ERI3: variants seen among roughly 807,000 people sequenced by gnomAD.
The protein encoded by ERI3 is ERI1 exoribonuclease family member 3, also known as ERI1 exoribonuclease 3.
In ERI3, 18 loss-of-function variants were observed where a neutral mutation model predicts 44.4. That is an observed-to-expected ratio of 0.41 (90% CI 0.28 to 0.60). The LOEUF (loss-of-function observed/expected upper bound fraction) is 0.60, where lower values mean the gene tolerates loss of function less well. Among genes scored for constraint, ERI3 ranks in the 20% least tolerant of loss-of-function variants. ERI3 has a pLI of 0.36. For synonymous variants in ERI3, 183 were observed against 164.8 expected (o/e 1.11, Z -0.84); for missense variants, 294 against 435.5 (o/e 0.68, Z 2.89).
intron 2 of ERI3, among the ~76,000 whole-genome samples, chr1:44,348,132 C>T (rs1646821102): frequency 6.6e-6 from 1 of 152,152 alleles, no homozygotes; most frequent in South Asian, 2.1e-4. Context: ...CAGAGCAGGG[C>T]CTAAGCAGCA....
intron 7 of ERI3, among the ~76,000 whole-genome samples, chr1:44,251,861 T>C (rs1159345003): frequency 6.6e-6 from 1 of 152,188 alleles, no homozygotes; most frequent in East Asian, 1.9e-4. Flanking sequence ...TCCCTCTCAC[T>C]GCTCCCTTCC....
intron 2 of ERI3, among the ~76,000 whole-genome samples, chr1:44,342,859 T>A (rs4660272): frequency 0.044 from 510 of 11,618 alleles, no homozygotes; most frequent in Admixed American, 0.055. Flanking sequence ...ATATATATAT[T>A]TTTTTTTTTT....
intron 3 of ERI3, among the ~76,000 whole-genome samples, chr1:44,331,290 C>T (rs962755836): frequency 1.3e-5 from 2 of 152,010 alleles, no homozygotes; most frequent in Non-Finnish European, 2.9e-5. Flanking sequence ...AGATCCAGAT[C>T]CAAATTCCCA....
intron 2 of ERI3, among the ~76,000 whole-genome samples, chr1:44,348,014 A>G (rs954270960): frequency 6.6e-6 from 1 of 152,194 alleles, no homozygotes. Flanking sequence ...CCCAGCACCC[A>G]GCACAGGACC....
At chr1:44,353,920 G>T (rs1033879314) in intron 1 of ERI3, 38 of 985,204 alleles carry the variant, frequency 3.9e-5, no homozygotes, top group Admixed American at 6.2e-5. Context: ...AGCCAAGTGG[G>T]TTTCTAACCA....
At chr1:44,303,799 G>C (rs139258352) in intron 6 of ERI3, among the ~76,000 whole-genome samples, 1 of 152,126 alleles carries the variant, frequency 6.6e-6, no homozygotes, top group Non-Finnish European at 1.5e-5. Flanking sequence ...GTATTAAGCC[G>C]AGGGGTGACA....
chr1:44,346,635 G>A (rs990731017), intron 2 of ERI3, among the ~76,000 whole-genome samples: 2 of 152,160 alleles, frequency 1.3e-5, no homozygotes, highest in African/African-American at 4.8e-5. Flanking sequence ...GACAGCATCT[G>A]ATCCCAGAAG....
chr1:44,306,198 T>A (rs1645829014), intron 6 of ERI3, among the ~76,000 whole-genome samples: 1 of 152,224 alleles, frequency 6.6e-6, no homozygotes, highest in Admixed American at 6.5e-5. Flanking sequence ...CTGAAAACCC[T>A]TTTCTGAAGC....
In ERI3 at chr1:44,342,836, TATATATATATATATATATATA is replaced by T. The variant is rs1374798980; in HGVS notation, c.212-3535_212-3515del. 1.5e-3 allele frequency among the ~76,000 whole-genome samples: 42 copies of T among 27,602 alleles called. 2 individuals carry two copies. The highest frequency in any genetic ancestry group is 4.9e-3 in the African/African-American group (31 of 6,300). The allele number at this position is 27,602 out of a possible 152,430, so 18.1% of individuals were successfully genotyped here. A position where few individuals can be genotyped will look rare whatever the true frequency, so the allele number is the denominator to read the frequency against. On this transcript the variant is annotated intron_variant, in intron 2 of 8. Transcript: ENST00000372257. ...TAATATATATATATATATATATATA[TATATATATATATATATATATA>T]TTTTTTTTTTTTTTTTTTTTTTTTT...
At chr1:44,286,579 G>A (rs1343111161) in intron 6 of ERI3, among the ~76,000 whole-genome samples, 1 of 151,926 alleles carries the variant, frequency 6.6e-6, no homozygotes, top group Admixed American at 6.6e-5. Flanking sequence ...AGAGGGCCCA[G>A]GCTAATGCCT....
chr1:44,222,854 G>C (rs1025299845), intron 8 of ERI3, among the ~76,000 whole-genome samples: 1 of 152,130 alleles, frequency 6.6e-6, no homozygotes, highest in Non-Finnish European at 1.5e-5. Flanking sequence ...AATCAAGTGT[G>C]GGGGGGTATT....
chr1:44,342,840 T>A lies in ERI3; in HGVS notation c.212-3518A>T, dbSNP rs1354668251. Among the ~76,000 whole-genome samples the A allele has an allele frequency of 2.0e-4, 6 of 30,626 alleles. 1 individual carries two copies. In the South Asian group the frequency reaches 5.7e-3, roughly 29 times the overall value. 20.1% of individuals were successfully genotyped at this position (30,626 alleles called of 152,430 possible). ...ATATATATATATATATATATATATA[T>A]ATATATATATATATATATTTTTTTT... On this transcript the variant is annotated intron_variant, in intron 2 of 8. Coordinates refer to ENST00000372257, the MANE Select transcript of ERI3 (RefSeq NM_024066.3).
chr1:44,252,269 C>G lies in ERI3; in HGVS notation c.832-4231G>C, dbSNP rs1342175435. 6.6e-6 allele frequency among the ~76,000 whole-genome samples: 1 copy of G among 152,254 alleles called. No individual in the cohort carries two copies. The highest frequency in any genetic ancestry group is 2.1e-4 in the South Asian group (1 of 4,834). ...CCTGTGCCAGGCAGGCACGCACACA[C>G]GCTTCCCTTCCCCTGGGCTGCTGCA... On this transcript the variant is annotated intron_variant, in intron 7 of 8. Coordinates refer to ENST00000372257, the MANE Select transcript of ERI3 (RefSeq NM_024066.3). The surrounding 1 kb of genome is among the most constrained non-coding windows in gnomAD (Gnocchi z 4.7).
At chr1:44,309,509 T>A (rs1645909144) in intron 5 of ERI3, among the ~76,000 whole-genome samples, 1 of 151,554 alleles carries the variant, frequency 6.6e-6, no homozygotes, top group South Asian at 2.1e-4. Flanking sequence ...AAATAAATAA[T>A]AAATAAAAAG....
intron 2 of ERI3, among the ~76,000 whole-genome samples, chr1:44,347,136 C>A (rs1453572498): frequency 6.6e-6 from 1 of 152,168 alleles, no homozygotes; most frequent in African/African-American, 2.4e-5. Flanking sequence ...TGACTGATTC[C>A]CTCCATCCGA....
intron 5 of ERI3, among the ~76,000 whole-genome samples, chr1:44,308,769 G>C (rs1645893059): frequency 6.6e-6 from 1 of 152,196 alleles, no homozygotes; most frequent in African/African-American, 2.4e-5. Flanking sequence ...CATCAGAACA[G>C]GGTAGTAGGA....
intron 6 of ERI3, among the ~76,000 whole-genome samples, chr1:44,297,646 G>C (rs1245966116): frequency 6.6e-6 from 1 of 152,210 alleles, no homozygotes. Flanking sequence ...GTCTCCGCAT[G>C]TGACCTGTCT....
At chr1:44,351,036 CTT>C (rs768508491) in intron 2 of ERI3, among the ~76,000 whole-genome samples, 3 of 144,008 alleles carry the variant, frequency 2.1e-5, no homozygotes, top group Non-Finnish European at 3.1e-5. Context: ...TCAGAGCAAA[CTT>C]TTTTTTTTTT....
chr1:44,302,963 T>G (rs1173717742), intron 6 of ERI3, among the ~76,000 whole-genome samples: 1 of 152,258 alleles, frequency 6.6e-6, no homozygotes, highest in Non-Finnish European at 1.5e-5. Flanking sequence ...TAAAATGAAC[T>G]TATTCCACAG....
Sources: gnomAD v4.1 joint callset for allele counts (sites outside exome capture counted in the v4.1 genomes callset) on GRCh38, gnomAD v4.1.1 for gene constraint, Gnocchi (gnomAD v3.1) non-coding constraint, MANE v1.5 for transcripts, NCBI Gene and HGNC (gene_info 2026-07-23, HGNC 2026-07-21) for gene names.